Variants in SPIDR observed in about 807,000 individuals in gnomAD.
SPIDR encodes DNA repair-scaffolding protein.
A neutral mutation model predicts 104.6 loss-of-function variants in SPIDR; 93 were observed. The observed-to-expected ratio is 0.89, with a 90% confidence interval of 0.75 to 1.06. The LOEUF is 1.06. Among genes scored for constraint, SPIDR ranks in the 50% least tolerant of loss-of-function variants. The pLI is 0.00. For missense variants in SPIDR, 1,154 were observed against 1,111.2 expected, an observed-to-expected ratio of 1.04 and a Z score of -0.55; for synonymous variants, 431 against 416.9, an observed-to-expected ratio of 1.03 and a Z score of -0.41.
intron 7 of SPIDR, among the ~76,000 whole-genome samples, chr8:47,418,371 T>C (rs1554677054): frequency 1.3e-5 from 2 of 152,198 alleles, no homozygotes; most frequent in African/African-American, 2.4e-5. Context: ...AGGTATTTTA[T>C]TCTCTTTGAA....
intron 7 of SPIDR, among the ~76,000 whole-genome samples, chr8:47,422,526 G>T (rs2065703434): frequency 6.6e-6 from 1 of 152,228 alleles, no homozygotes; most frequent in South Asian, 2.1e-4. Context: ...CCTTAGCTAG[G>T]AAAGGGAATT....
At chr8:47,496,463 T>C (rs751089352) in intron 8 of SPIDR, among the ~76,000 whole-genome samples, 21 of 152,184 alleles carry the variant, frequency 1.4e-4, no homozygotes, top group Non-Finnish European at 2.6e-4. Context: ...ATTATGTCAC[T>C]TTTTTTCTTT....
intron 10 of SPIDR, among the ~76,000 whole-genome samples, chr8:47,624,457 T>C (rs1481688647): frequency 3.3e-5 from 5 of 152,244 alleles, no homozygotes; most frequent in South Asian, 4.2e-4. Context: ...ACCTGGTTTT[T>C]TGAAAAGATC....
chr8:47,323,416 G>C (rs143034370), intron 5 of SPIDR, among the ~76,000 whole-genome samples: 19 of 152,256 alleles, frequency 1.2e-4, no homozygotes, highest in African/African-American at 4.6e-4. Context: ...TTGTAATGCA[G>C]TACAATTGAT....
chr8:47,488,876 C>G (rs1391688841), intron 8 of SPIDR, among the ~76,000 whole-genome samples: 1 of 152,160 alleles, frequency 6.6e-6, no homozygotes, highest in South Asian at 2.1e-4. Flanking sequence ...CTATCTATGA[C>G]AAACCCACAG....
At chr8:47,691,546 C>T (rs1320240810) in intron 11 of SPIDR, among the ~76,000 whole-genome samples, 2 of 152,194 alleles carry the variant, frequency 1.3e-5, no homozygotes, top group Non-Finnish European at 2.9e-5. Flanking sequence ...GTGCATTTTA[C>T]TGTTCTGCAA....
chr8:47,381,939 G>C (rs1472104263), intron 5 of SPIDR, among the ~76,000 whole-genome samples: 9 of 152,074 alleles, frequency 5.9e-5, no homozygotes, highest in African/African-American at 1.7e-4. Context: ...CTACCAGCTG[G>C]GTAGCATTTA....
At chr8:47,346,848 T>C (rs1271392149) in intron 5 of SPIDR, among the ~76,000 whole-genome samples, 1 of 152,218 alleles carries the variant, frequency 6.6e-6, no homozygotes. Context: ...GATTCTTCTC[T>C]CTTTTCTTCT....
chr8:47,497,236 C>T (rs1336346769), intron 8 of SPIDR, among the ~76,000 whole-genome samples: 1 of 151,868 alleles, frequency 6.6e-6, no homozygotes, highest in African/African-American at 2.4e-5. Flanking sequence ...TTGTTATTTT[C>T]TTCCTGTGCG....
At chr8:47,511,786 TC>T in intron 8 of SPIDR, 1 of 1,224,330 alleles carries the variant, frequency 8.2e-7, no homozygotes, top group Non-Finnish European at 1.2e-6. Flanking sequence ...AAAGAGATCA[TC>T]CACCAGCTCA....
At chr8:47,463,452 A>C (rs2074270402) in intron 8 of SPIDR, among the ~76,000 whole-genome samples, 1 of 152,178 alleles carries the variant, frequency 6.6e-6, no homozygotes, top group African/African-American at 2.4e-5. Context: ...CATTTAAAGA[A>C]GAATTAACAC....
chr8:47,289,090 G>T (rs2039421699), intron 3 of SPIDR, among the ~76,000 whole-genome samples: 1 of 152,048 alleles, frequency 6.6e-6, no homozygotes, highest in African/African-American at 2.4e-5. Flanking sequence ...GCTCACTGCA[G>T]CCTCAAACAT....
chr8:47,438,979 A>G (rs1554694374), intron 7 of SPIDR, among the ~76,000 whole-genome samples: 1 of 152,250 alleles, frequency 6.6e-6, no homozygotes, highest in African/African-American at 2.4e-5. Context: ...AGTGGTAAAG[A>G]AACTCATATT....
chr8:47,263,922 T>A (rs2033231334), intron 1 of SPIDR, among the ~76,000 whole-genome samples: 1 of 152,214 alleles, frequency 6.6e-6, no homozygotes. Flanking sequence ...ATTCTAGACA[T>A]TTAAGATTAG....
chr8:47,441,746 G>A (rs1420726960), intron 8 of SPIDR, among the ~76,000 whole-genome samples: 4 of 151,980 alleles, frequency 2.6e-5, no homozygotes, highest in African/African-American at 9.7e-5. Flanking sequence ...GTTATTCTAT[G>A]TTTTATTCTA....
chr8:47,620,998 C>T lies in SPIDR; in HGVS notation c.1544+21802C>T, dbSNP rs1314338239. On this transcript the variant is annotated intron_variant, in intron 10 of 19. Coordinates refer to ENST00000297423, the MANE Select transcript of SPIDR (RefSeq NM_001080394.4). Reference sequence around the variant, plus strand: ...TTTGAGATGGAGTCTCACTCTGTCACCAGGCTGGAGTGCAGTGGCACAATC... The same window carrying T: ...TTTGAGATGGAGTCTCACTCTGTCATCAGGCTGGAGTGCAGTGGCACAATC... Among the ~76,000 whole-genome samples the T allele has an allele frequency of 4.1e-5, 6 of 145,756 alleles. No individual in the cohort carries two copies. The East Asian group carries it at 8.4e-4, about 20-fold the overall frequency.
At chr8:47,331,965 CTTTTTTTTTTTT>C (rs1183447584) in intron 5 of SPIDR, among the ~76,000 whole-genome samples, 3,445 of 32,860 alleles carry the variant, frequency 0.1, 227 homozygotes, top group African/African-American at 0.25. Context: ...TTTTTTTAAA[CTTTTTTTTTTTT>C]TTTTTTTTTC....
chr8:47,729,114 C>T (rs1277254170), intron 18 of SPIDR, 67 bp downstream of exon 18: 1 of 1,584,290 alleles, frequency 6.3e-7, no homozygotes, highest in East Asian at 2.3e-5. Flanking sequence ...TGAGACAGAG[C>T]TGAAGCAGGT....
chr8:47,430,543 T>G (rs183223402), intron 7 of SPIDR, among the ~76,000 whole-genome samples: 16 of 152,316 alleles, frequency 1.1e-4, no homozygotes, highest in African/African-American at 3.8e-4. Context: ...CAACTCTCTG[T>G]GCTACAGAGA....
Sources: allele counts gnomAD v4.1 joint callset (sites outside exome capture counted in the v4.1 genomes callset), GRCh38; gene constraint gnomAD v4.1.1; transcripts MANE v1.5; gene names NCBI Gene and HGNC (gene_info 2026-07-23, HGNC 2026-07-21).